Variants in PLXNA4 observed in about 807,000 individuals in gnomAD.
PLXNA4 encodes the protein plexin A4.
In PLXNA4, 44 loss-of-function variants were observed where a neutral mutation model predicts 191.8. The ratio of observed to expected loss-of-function variants is 0.23; its 90% CI spans 0.18 to 0.29. The LOEUF (loss-of-function observed/expected upper bound fraction) is 0.29, where lower values mean the gene tolerates loss of function less well. PLXNA4 is among the 10% of genes least tolerant of loss of function. The pLI is 1.00. For missense variants in PLXNA4, 1,800 were observed against 2,488.8 expected, an observed-to-expected ratio of 0.72 and a Z score of 5.89; for synonymous variants, 1,082 against 1,009.5, an observed-to-expected ratio of 1.07 and a Z score of -1.36.
At chr7:132,362,450 G>A (rs1019917630) in intron 3 of PLXNA4, among the ~76,000 whole-genome samples, 1 of 152,158 alleles carries the variant, frequency 6.6e-6, no homozygotes, top group African/African-American at 2.4e-5. Context: ...GATAAATCAG[G>A]GGCACCCAGA....
intron 22 of PLXNA4, 144 bp from the exon 23 acceptor site, chr7:132,165,344 T>A: frequency 1.6e-6 from 2 of 1,277,280 alleles, no homozygotes; most frequent in Admixed American, 6.1e-5. Flanking sequence ...GCGATCCTAA[T>A]GAATATGAGA....
intron 25 of PLXNA4, among the ~76,000 whole-genome samples, chr7:132,153,708 A>G (rs1006189840): frequency 1.3e-5 from 2 of 152,198 alleles, no homozygotes; most frequent in African/African-American, 4.8e-5. Flanking sequence ...TGGCTCTTGA[A>G]GAGTCCCCTA....
chr7:132,487,778 T>C (rs777086891), intron 3 of PLXNA4, among the ~76,000 whole-genome samples: 1 of 152,162 alleles, frequency 6.6e-6, no homozygotes, highest in East Asian at 1.9e-4. Flanking sequence ...GGGGATAACA[T>C]GCCCATGTCT....
intron 1 of PLXNA4, among the ~76,000 whole-genome samples, chr7:132,575,457 C>T (rs1802183450): frequency 6.6e-6 from 1 of 152,130 alleles, no homozygotes; most frequent in South Asian, 2.1e-4. Flanking sequence ...TTTTGGAGGA[C>T]TATATCCCTC....
chr7:132,488,077 G>T (rs1797633951), intron 3 of PLXNA4, among the ~76,000 whole-genome samples: 1 of 152,156 alleles, frequency 6.6e-6, no homozygotes, highest in Admixed American at 6.5e-5. Context: ...CACCATTCTT[G>T]CAGAGTACCA....
intron 4 of PLXNA4, among the ~76,000 whole-genome samples, chr7:132,274,014 A>AAG (rs775680185): frequency 6.6e-6 from 1 of 150,738 alleles, no homozygotes; most frequent in East Asian, 1.9e-4. Context: ...TAAAAAAAAA[A>AAG]GGGGGCAACA....
At chr7:132,228,564 A>ATG in intron 5 of PLXNA4, 95 bp from the exon 6 acceptor site, 1 of 1,523,670 alleles carries the variant, frequency 6.6e-7, no homozygotes, top group South Asian at 1.2e-5. Flanking sequence ...AGCTCCCAGG[A>ATG]TGTGTCCAAA....
chr7:132,363,595 T>C (rs1044062471), intron 3 of PLXNA4, among the ~76,000 whole-genome samples: 6 of 152,274 alleles, frequency 3.9e-5, no homozygotes, highest in Admixed American at 3.3e-4. Context: ...CATTCATCTG[T>C]TGATGGACAT....
intron 3 of PLXNA4, among the ~76,000 whole-genome samples, chr7:132,363,943 C>T (rs1202304864): frequency 6.6e-6 from 1 of 152,274 alleles, no homozygotes; most frequent in African/African-American, 2.4e-5. Flanking sequence ...GCTGCCCAGG[C>T]TGTGGCTGGC....
rs571640667 is a variant in PLXNA4 at position 132,472,015 on chromosome 7, T to G, written c.1371+17277A>C. On this transcript the variant is annotated intron_variant, in intron 3 of 31. Transcript: ENST00000321063. ...AAACAAACAAAAGCCAAAACACTTT[T>G]CTGATGGAGTATTTCTCGGAACTTG... Among the ~76,000 whole-genome samples the G allele has an allele frequency of 6.6e-5, 10 of 152,294 alleles. No homozygotes were observed. The East Asian group carries it at 1.9e-3, about 29-fold the overall frequency.
chr7:132,342,707 G>A (rs2045434002), intron 3 of PLXNA4, among the ~76,000 whole-genome samples: 2 of 152,142 alleles, frequency 1.3e-5, no homozygotes, highest in African/African-American at 4.8e-5. Flanking sequence ...AGCACTTAGG[G>A]AGGCTGAGGT....
intron 25 of PLXNA4, among the ~76,000 whole-genome samples, chr7:132,151,892 G>A (rs1795656676): frequency 6.6e-6 from 1 of 152,126 alleles, no homozygotes; most frequent in Non-Finnish European, 1.5e-5. Flanking sequence ...AGGCTGACAA[G>A]GAAAGCCACT....
At chr7:132,557,591 T>C (rs1489255631) in intron 1 of PLXNA4, among the ~76,000 whole-genome samples, 1 of 152,116 alleles carries the variant, frequency 6.6e-6, no homozygotes, top group Non-Finnish European at 1.5e-5. Context: ...CTTTGGACTT[T>C]TTGACCAAAG....
At chr7:132,509,450 C>A (rs930372489) in intron 1 of PLXNA4, among the ~76,000 whole-genome samples, 1 of 152,184 alleles carries the variant, frequency 6.6e-6, no homozygotes, top group African/African-American at 2.4e-5. Flanking sequence ...CTGTCTATTA[C>A]CTGCTGGGAC....
chr7:132,509,630 C>G (rs1487684201), intron 1 of PLXNA4, among the ~76,000 whole-genome samples: 1 of 152,208 alleles, frequency 6.6e-6, no homozygotes, highest in Non-Finnish European at 1.5e-5. Context: ...TAAACCATCT[C>G]AGTTCACCCC....
chr7:132,310,993 G>C (rs556939107), intron 3 of PLXNA4, among the ~76,000 whole-genome samples: 1 of 152,326 alleles, frequency 6.6e-6, no homozygotes, highest in East Asian at 1.9e-4. Flanking sequence ...AAGCACGCTG[G>C]TCAGAGTGGT....
chr7:132,318,853 G>T (rs895281557), intron 3 of PLXNA4, among the ~76,000 whole-genome samples: 2 of 151,968 alleles, frequency 1.3e-5, no homozygotes, highest in African/African-American at 2.4e-5. Flanking sequence ...GTCTCTGCCT[G>T]TGTGTTTCTG....
intron 20 of PLXNA4, among the ~76,000 whole-genome samples, chr7:132,179,173 G>A (rs111455589): frequency 6.5e-5 from 8 of 122,688 alleles, no homozygotes; most frequent in African/African-American, 2.5e-4. Flanking sequence ...ACAGCCTCCA[G>A]CACTGCTCAC....
rs1794867202 is a variant in PLXNA4, at chr7:132,129,518, G to A, written c.*961C>T. On this transcript the variant is annotated 3_prime_UTR_variant, in exon 32 of 32. Coordinates refer to ENST00000321063, the MANE Select transcript of PLXNA4 (RefSeq NM_020911.2). ...CCCTTGATGAAGGTTGACAAAGGAG[G>A]GTGGAGATAGATGCTTTCTCTTGAC... 1 of 152,266 alleles carries A rather than the reference G, an allele frequency of 6.6e-6. No homozygotes were observed. Among genetic ancestry groups the A allele is most frequent in the African/African-American group, 2.4e-5 (1 of 41,458 alleles). 9.4% of individuals were successfully genotyped at this position (152,266 alleles called of 1,614,324 possible). A position where few individuals can be genotyped will look rare whatever the true frequency, so the allele number is the denominator to read the frequency against.
Sources: allele counts gnomAD v4.1 joint callset (sites outside exome capture counted in the v4.1 genomes callset), GRCh38; gene constraint gnomAD v4.1.1; transcripts MANE v1.5; gene names NCBI Gene and HGNC (gene_info 2026-07-23, HGNC 2026-07-21).